Variants in LRFN2 observed in about 807,000 individuals in gnomAD.
The protein encoded by LRFN2 is leucine-rich repeat and fibronectin type-III domain-containing protein 2.
In LRFN2, 18 loss-of-function variants were observed where a neutral mutation model predicts 37.3. The ratio of observed to expected loss-of-function variants is 0.48; its 90% CI spans 0.33 to 0.72. LRFN2 has a LOEUF of 0.72. Ranked by LOEUF, LRFN2 falls within the 30% of genes least tolerant of loss-of-function variation. LRFN2 has a pLI of 0.02. For missense variants in LRFN2, 1,006 were observed against 1,060.7 expected (o/e 0.95, Z 0.72); for synonymous variants, 556 against 466.6 (o/e 1.19, Z -2.47).
At chr6:40,540,605 G>A (rs1035111412) in intron 1 of LRFN2, among the ~76,000 whole-genome samples, 2 of 152,202 alleles carry the variant, frequency 1.3e-5, no homozygotes, top group Admixed American at 1.3e-4. Context: ...CTTGCCCTGA[G>A]GGGCTGCCAA....
chr6:40,457,767 A>C (rs544129459), intron 1 of LRFN2, among the ~76,000 whole-genome samples: 2 of 152,242 alleles, frequency 1.3e-5, no homozygotes, highest in Admixed American at 1.3e-4. Context: ...AATGCTCACC[A>C]GTATCCAGCT....
At chr6:40,412,009 G>A (rs531000601) in intron 2 of LRFN2, among the ~76,000 whole-genome samples, 39 of 152,256 alleles carry the variant, frequency 2.6e-4, no homozygotes, top group African/African-American at 9.1e-4. Flanking sequence ...CATGTAACGT[G>A]GGGAGGAGAC....
chr6:40,435,050 TATAGAGAGAGAGAGAGAGAGAG>T (rs1234822159), intron 1 of LRFN2, among the ~76,000 whole-genome samples: 1 of 60,044 alleles, frequency 1.7e-5, no homozygotes, highest in Non-Finnish European at 2.9e-5. Context: ...TATATATATA[TATAGAGAGAGAGAGAGAGAGAG>T]AGAGAGAGAG....
intron 1 of LRFN2, among the ~76,000 whole-genome samples, chr6:40,572,120 T>G (rs1767200187): frequency 6.6e-6 from 1 of 152,244 alleles, no homozygotes; most frequent in East Asian, 1.9e-4. Context: ...AATCCCTGCA[T>G]GCCACTTATC....
intron 1 of LRFN2, among the ~76,000 whole-genome samples, chr6:40,566,134 A>G (rs1415602873): frequency 2.0e-5 from 3 of 152,252 alleles, no homozygotes; most frequent in Non-Finnish European, 4.4e-5. Flanking sequence ...ACATGAAAAA[A>G]TGCTCATCAT....
At chr6:40,397,030 T>C (rs534449102) in intron 2 of LRFN2, among the ~76,000 whole-genome samples, 2 of 152,186 alleles carry the variant, frequency 1.3e-5, no homozygotes, top group African/African-American at 2.4e-5. Flanking sequence ...CCAGAACAGG[T>C]CCATTGCATC....
chr6:40,392,595 C>G lies in LRFN2; in HGVS notation c.1718G>C (p.Ser573Thr). The change falls in exon 3 of 3, where the codon AGC becomes ACC. Residue 573 changes from serine (S) to threonine (T), a missense_variant. Physicochemically the swap from Ser to Thr is moderately conservative, Grantham distance 58. Transcript: ENST00000338305. The surrounding 1 kb of genome is among the most constrained non-coding windows in gnomAD (Gnocchi z 4.7). The part of the protein sequence containing the change: ...EAPSKMAAAV[S>T]NVYSQTNGAQ... The stretch of plus-strand genomic sequence containing the variant: ...GCCGTTGGTCTGCGAGTACACATTG[C>G]TCACGGCCGCTGCCATCTTGCTGGG... 1 of 1,608,678 alleles carries G rather than the reference C, an allele frequency of 6.2e-7. No homozygotes were observed.
intron 2 of LRFN2, among the ~76,000 whole-genome samples, chr6:40,413,071 C>A: frequency 6.6e-6 from 1 of 152,122 alleles, no homozygotes; most frequent in East Asian, 1.9e-4. Flanking sequence ...TCTTCTTTTT[C>A]TCCATCTCTG....
intron 1 of LRFN2, among the ~76,000 whole-genome samples, chr6:40,435,266 T>C (rs1763637913): frequency 6.6e-6 from 1 of 150,534 alleles, no homozygotes; most frequent in African/African-American, 2.4e-5. Context: ...GCTCAAGTGA[T>C]TCTCCCACCT....
At chr6:40,502,996 G>T (rs1765428615) in intron 1 of LRFN2, among the ~76,000 whole-genome samples, 1 of 152,238 alleles carries the variant, frequency 6.6e-6, no homozygotes, top group African/African-American at 2.4e-5. Context: ...AGAGAGAACA[G>T]CATGTTCCAA....
chr6:40,428,456 G>A (rs1160025832), intron 2 of LRFN2, among the ~76,000 whole-genome samples: 1 of 152,162 alleles, frequency 6.6e-6, no homozygotes, highest in Non-Finnish European at 1.5e-5. Flanking sequence ...AGAGAGGCCT[G>A]TGCCCACTGG....
Position 40,587,148 on chromosome 6 carries a change from G to A in LRFN2, c.-226C>T, listed in dbSNP as rs1239176171. 1 of 152,234 alleles carries A rather than the reference G, an allele frequency of 6.6e-6. No homozygotes were observed. The highest frequency in any genetic ancestry group is 1.5e-5 in the Non-Finnish European group (1 of 68,056). 9.4% of individuals were successfully genotyped at this position (152,234 alleles called of 1,614,324 possible). ...AGCCGCTTATTCAGTTATATCCATG[G>A]CATTTAGCAAGAAGAAGGGGGGAAA... On this transcript the variant is annotated 5_prime_UTR_variant, in exon 1 of 3. Transcript: ENST00000338305. This position sits in a 1 kb window ranked among gnomAD's most constrained non-coding sequence, Gnocchi z 4.2.
At chr6:40,434,966 C>T (rs1169991714) in intron 1 of LRFN2, among the ~76,000 whole-genome samples, 14 of 135,686 alleles carry the variant, frequency 1.0e-4, no homozygotes, top group African/African-American at 2.4e-4. Context: ...TGCATTACTC[C>T]TATTTCTTTT....
chr6:40,522,532 C>T (rs1224526163), intron 1 of LRFN2, among the ~76,000 whole-genome samples: 2 of 152,160 alleles, frequency 1.3e-5, no homozygotes, highest in Non-Finnish European at 2.9e-5. Context: ...AGGACAACTG[C>T]TCTCTGCACC....
chr6:40,493,528 T>C (rs1476845268), intron 1 of LRFN2, among the ~76,000 whole-genome samples: 2 of 152,156 alleles, frequency 1.3e-5, no homozygotes, highest in African/African-American at 4.8e-5. Context: ...TGCTCGCCCA[T>C]ACAGAGTCTG....
intron 1 of LRFN2, among the ~76,000 whole-genome samples, chr6:40,556,112 GC>G (rs1351584022): frequency 6.6e-6 from 1 of 152,176 alleles, no homozygotes; most frequent in Admixed American, 6.5e-5. Context: ...CACCTGGAAA[GC>G]CCCCGCACCA....
At chr6:40,494,578 C>A (rs180913951) in intron 1 of LRFN2, among the ~76,000 whole-genome samples, 2,379 of 152,290 alleles carry the variant, frequency 0.016, 25 homozygotes, top group Non-Finnish European at 0.022. Flanking sequence ...TCATTCCTGA[C>A]AATTTCATAT....
intron 1 of LRFN2, among the ~76,000 whole-genome samples, chr6:40,568,322 A>T (rs1235720568): frequency 6.6e-6 from 1 of 152,166 alleles, no homozygotes; most frequent in Non-Finnish European, 1.5e-5. Flanking sequence ...GGCCTGGGGA[A>T]CTGTGAGTTG....
At chr6:40,547,741 G>A (rs948243452) in intron 1 of LRFN2, among the ~76,000 whole-genome samples, 17 of 152,130 alleles carry the variant, frequency 1.1e-4, no homozygotes, top group East Asian at 1.9e-4. Flanking sequence ...AGTCTGGCCC[G>A]CAAGCAAAGG....
Sources: allele counts gnomAD v4.1 joint callset (sites outside exome capture counted in the v4.1 genomes callset), GRCh38; gene constraint gnomAD v4.1.1; non-coding constraint Gnocchi (gnomAD v3.1); transcripts MANE v1.5; gene names NCBI Gene and HGNC (gene_info 2026-07-23, HGNC 2026-07-21).